The following ERG variants were observed in gnomAD, a reference collection of about 807,000 sequenced individuals.
The protein encoded by ERG is transcriptional regulator ERG.
Under a neutral mutation model 55.3 loss-of-function variants are expected in ERG, and 9 were observed. The observed-to-expected ratio is 0.16, with a 90% CI of 0.10 to 0.28. The LOEUF (loss-of-function observed/expected upper bound fraction) is 0.28, where lower values mean the gene tolerates loss of function less well. ERG is among the 10% of genes least tolerant of loss of function. ERG has a pLI of 1.00. For synonymous variants in ERG, 223 were observed against 237.3 expected, an observed-to-expected ratio of 0.94 and a Z score of 0.55; for missense variants, 434 against 631.6, an observed-to-expected ratio of 0.69 and a Z score of 3.35.
intron 3 of ERG, among the ~76,000 whole-genome samples, chr21:38,413,767 G>A (rs1989160430): frequency 6.6e-6 from 1 of 152,012 alleles, no homozygotes; most frequent in Non-Finnish European, 1.5e-5. Context: ...CATTGTGTGT[G>A]CTCATCATGT....
At chr21:38,374,405 A>G in the ERG span, among the ~76,000 whole-genome samples, 6 of 152,256 alleles carry the variant, frequency 3.9e-5, no homozygotes, top group Non-Finnish European at 7.3e-5. Context: ...CTACAGGGTA[A>G]TTGACAATGT....
At chr21:38,458,608 A>G (rs2059012468) in intron 1 of ERG, among the ~76,000 whole-genome samples, 1 of 152,096 alleles carries the variant, frequency 6.6e-6, no homozygotes, top group East Asian at 1.9e-4. Flanking sequence ...AATATCCAAT[A>G]TTTATTTATC....
chr21:38,585,532 C>CTTTATTTTTTTTTTTT (rs2060057767), upstream of ERG, among the ~76,000 whole-genome samples: 1 of 59,270 alleles, frequency 1.7e-5, no homozygotes, highest in Non-Finnish European at 3.1e-5. Context: ...TCTCTCTCTT[C>CTTTATTTTTTTTTTTT]TTTTTTTTTT....
At chr21:38,598,328 C>T (rs561121681) in intron 1 of ERG, among the ~76,000 whole-genome samples, 1 of 152,272 alleles carries the variant, frequency 6.6e-6, no homozygotes, top group South Asian at 2.1e-4. Flanking sequence ...GCTCAGTGAA[C>T]CCCACAGACA....
Position 38,381,454 on chromosome 21 carries a change from G to A in ERG, c.*1949C>T, listed in dbSNP as rs1302259313. 6 of 1,062,688 alleles carry A rather than the reference G, an allele frequency of 5.6e-6. No homozygotes were observed. In the African/African-American group the frequency reaches 9.9e-5, roughly 17 times the overall value. The allele number at this position is 1,062,688 out of a possible 1,614,324, so 65.8% of individuals were successfully genotyped here. A position where few individuals can be genotyped will look rare whatever the true frequency, so the allele number is the denominator to read the frequency against. On this transcript the variant is annotated 3_prime_UTR_variant, in exon 10 of 10. Transcript: ENST00000288319. ...CAGCAACATCAGGCTCAGGGCTAGT[G>A]AATCCCAAGCCACAGTGCCCAGGTA...
chr21:38,384,803 G>T (rs1419762141), intron 9 of ERG, among the ~76,000 whole-genome samples: 1 of 144,016 alleles, frequency 6.9e-6, no homozygotes, highest in East Asian at 2.0e-4. Context: ...TCCTAGAACA[G>T]AATTAACCCA....
upstream of ERG, among the ~76,000 whole-genome samples, chr21:38,587,385 G>A (rs1285897990): frequency 6.8e-6 from 1 of 146,526 alleles, no homozygotes; most frequent in Non-Finnish European, 1.5e-5. Flanking sequence ...TTGAGACGGA[G>A]TCTCGCTCTG....
chr21:38,657,316 G>A (rs531191731), intron 1 of ERG, among the ~76,000 whole-genome samples: 10 of 152,194 alleles, frequency 6.6e-5, no homozygotes, highest in Middle Eastern at 6.8e-3. Context: ...TTTCTCATAC[G>A]CAATCAGGGT....
chr21:38,384,636 G>A (rs1274262233), intron 9 of ERG, among the ~76,000 whole-genome samples: 3 of 152,072 alleles, frequency 2.0e-5, no homozygotes, highest in African/African-American at 4.8e-5. Flanking sequence ...ATGACTTAAT[G>A]CCATTTATAT....
At chr21:38,488,863 A>C (rs1175936635) in intron 1 of ERG, among the ~76,000 whole-genome samples, 1 of 152,258 alleles carries the variant, frequency 6.6e-6, no homozygotes, top group East Asian at 1.9e-4. Context: ...ACGTCCCCTT[A>C]AAAATCACCG....
intron 2 of ERG, among the ~76,000 whole-genome samples, chr21:38,536,715 C>A (rs1245485023): frequency 6.6e-6 from 1 of 152,184 alleles, no homozygotes; most frequent in African/African-American, 2.4e-5. Context: ...TTTCAAAATG[C>A]AAAGTGAAAA....
chr21:38,552,989 A>G (rs947134872), intron 2 of ERG, among the ~76,000 whole-genome samples: 2 of 152,178 alleles, frequency 1.3e-5, no homozygotes, highest in African/African-American at 4.8e-5. Flanking sequence ...CAATTTCACA[A>G]CGTTTTAGGA....
downstream of ERG, among the ~76,000 whole-genome samples, chr21:38,376,328 T>C (rs909125987): frequency 2.0e-5 from 3 of 152,228 alleles, no homozygotes; most frequent in African/African-American, 7.2e-5. Context: ...TTTCTCGCTA[T>C]GCATGTTTCC....
Position 38,383,832 on chromosome 21 carries a change from C to T in ERG, c.1011G>A (p.Gly337=). The part of the protein sequence containing the change: ...SSCITWEGTN[G]EFKMTDPDEV... ...CGTCGGGATCCGTCATCTTGAACTC[C>T]CCGTTGGTGCCTTCCCAGGTGATGC... The change falls in exon 10 of 10, where the codon GGG becomes GGA. Residue 337 remains glycine, a synonymous_variant. Transcript: ENST00000288319. The surrounding 1 kb of genome is among the most constrained non-coding windows in gnomAD (Gnocchi z 5.7). The T allele has an allele frequency of 3.1e-6, 5 of 1,614,188 alleles. No homozygotes were observed. Among genetic ancestry groups the T allele is most frequent in the Non-Finnish European group, 4.2e-6 (5 of 1,180,030 alleles).
At chr21:38,661,197 C>T (rs1291854414) in intron 1 of ERG, among the ~76,000 whole-genome samples, 4 of 151,568 alleles carry the variant, frequency 2.6e-5, no homozygotes, top group African/African-American at 9.7e-5. Context: ...GGAGGGGGAG[C>T]CGCGGGGGTG....
intron 2 of ERG, among the ~76,000 whole-genome samples, chr21:38,522,602 A>G (rs1601182979): frequency 6.6e-6 from 1 of 152,330 alleles, no homozygotes; most frequent in African/African-American, 2.4e-5. Flanking sequence ...ATCAACTTAC[A>G]GTGTAGTAGA....
intron 1 of ERG, among the ~76,000 whole-genome samples, chr21:38,458,291 G>A (rs2059008378): frequency 6.6e-6 from 1 of 152,142 alleles, no homozygotes; most frequent in African/African-American, 2.4e-5. Context: ...AGGTGTGGTG[G>A]CGTGTGCCTG....
At chr21:38,482,593 G>C (rs769931508) in intron 1 of ERG, among the ~76,000 whole-genome samples, 6 of 152,004 alleles carry the variant, frequency 3.9e-5, no homozygotes, top group Non-Finnish European at 7.4e-5. Context: ...ACTCACAATA[G>C]CCAAGATATG....
chr21:38,579,238 C>A (rs717231), intron 1 of ERG, among the ~76,000 whole-genome samples: 41,455 of 152,004 alleles, frequency 0.27, 5,886 homozygotes, highest in South Asian at 0.38. Flanking sequence ...CGGTCTGTAA[C>A]CAACCAAGAC....
Sources: gnomAD v4.1 joint callset for allele counts (sites outside exome capture counted in the v4.1 genomes callset) on GRCh38, gnomAD v4.1.1 for gene constraint, Gnocchi (gnomAD v3.1) non-coding constraint, MANE v1.5 for transcripts, NCBI Gene and HGNC (gene_info 2026-07-23, HGNC 2026-07-21) for gene names.